TBC1D19: variants seen among roughly 807,000 people sequenced by gnomAD.
TBC1D19 encodes TBC1 domain family member 19.
A neutral mutation model predicts 89.0 loss-of-function variants in TBC1D19; 60 were observed. The observed-to-expected ratio is 0.67, with a 90% CI of 0.55 to 0.84. The LOEUF is 0.84. TBC1D19 is among the 40% of genes least tolerant of loss of function. TBC1D19 has a pLI of 0.00. For missense variants in TBC1D19, 500 were observed against 610.8 expected (o/e 0.82, Z 1.91); for synonymous variants, 189 against 199.7 (o/e 0.95, Z 0.45).
chr4:26,580,928 A>G (rs1739050237), upstream of TBC1D19, among the ~76,000 whole-genome samples: 1 of 152,216 alleles, frequency 6.6e-6, no homozygotes, highest in Non-Finnish European at 1.5e-5. Flanking sequence ...ACAGCATTAT[A>G]TGAAGAATAG....
chr4:26,742,661 A>T, intron 18 of TBC1D19, 62 bp downstream of exon 18: 3 of 1,313,728 alleles, frequency 2.3e-6, no homozygotes, highest in South Asian at 1.4e-5. Context: ...TTTTTTCCTC[A>T]TTGCAGAGCA....
In TBC1D19 at chr4:26,620,704, A is replaced by G. The variant is rs762124746; in HGVS notation, c.294+16A>G. ...GAAAGCACAGGTTGGCTATTGTTCA[A>G]TTTCATTTTATTTTTTCATGCCAAG... is the stretch of plus-strand genomic sequence containing the variant. On this transcript the variant is annotated intron_variant, in intron 4 of 20. Coordinates refer to ENST00000264866, the MANE Select transcript of TBC1D19 (RefSeq NM_018317.4). 8 of 1,609,300 alleles carry G rather than the reference A, an allele frequency of 5.0e-6. No homozygotes were observed. In the East Asian group the frequency reaches 1.6e-4, roughly 31 times the overall value.
At chr4:26,703,923 T>C (rs780819751) in intron 13 of TBC1D19, among the ~76,000 whole-genome samples, 56 of 129,654 alleles carry the variant, frequency 4.3e-4, no homozygotes, top group Non-Finnish European at 7.9e-4. Context: ...ATCGTGCCAC[T>C]GCAATTCGGC....
At chr4:26,807,526 C>T in the TBC1D19 span, among the ~76,000 whole-genome samples, 3 of 152,150 alleles carry the variant, frequency 2.0e-5, no homozygotes, top group Non-Finnish European at 4.4e-5. Flanking sequence ...CCAAGGGGCT[C>T]ATTTGGCAAA....
intron 7 of TBC1D19, among the ~76,000 whole-genome samples, chr4:26,651,899 T>C (rs932837812): frequency 2.6e-5 from 4 of 152,136 alleles, no homozygotes; most frequent in Non-Finnish European, 5.9e-5. Flanking sequence ...CAATACGTAA[T>C]TTATTGAGAG....
chr4:26,684,859 A>G (rs774605893), intron 12 of TBC1D19, among the ~76,000 whole-genome samples: 7 of 152,192 alleles, frequency 4.6e-5, no homozygotes, highest in Non-Finnish European at 1.0e-4. Flanking sequence ...AACCCTTTAC[A>G]TAGATTACTA....
downstream of TBC1D19, among the ~76,000 whole-genome samples, chr4:26,759,111 GCTTCT>G (rs1344257148): frequency 6.6e-6 from 1 of 152,096 alleles, no homozygotes; most frequent in Non-Finnish European, 1.5e-5. Context: ...AGGGAAGACT[GCTTCT>G]CTTAAGAATC....
the TBC1D19 span, among the ~76,000 whole-genome samples, chr4:26,778,371 G>A: frequency 1.3e-5 from 2 of 150,368 alleles, no homozygotes; most frequent in East Asian, 4.0e-4. Context: ...AGCCAAGATC[G>A]TGCCACTGCA....
intron 15 of TBC1D19, among the ~76,000 whole-genome samples, chr4:26,723,714 G>C (rs570098670): frequency 6.6e-6 from 1 of 152,088 alleles, no homozygotes; most frequent in Non-Finnish European, 1.5e-5. Flanking sequence ...ATTTTTTGTT[G>C]TTATTCAACA....
intron 13 of TBC1D19, among the ~76,000 whole-genome samples, chr4:26,689,832 C>T (rs1348833983): frequency 1.3e-5 from 2 of 152,024 alleles, no homozygotes; most frequent in Non-Finnish European, 2.9e-5. Context: ...GAAATTAGGC[C>T]AATAATAACC....
At chr4:26,627,612 G>C (rs1422828305) in intron 4 of TBC1D19, among the ~76,000 whole-genome samples, 2 of 152,052 alleles carry the variant, frequency 1.3e-5, no homozygotes, top group Non-Finnish European at 2.9e-5. Flanking sequence ...TCTCATTGTG[G>C]TTTTGATTTG....
At chr4:26,604,640 C>T (rs1227271421) in intron 1 of TBC1D19, among the ~76,000 whole-genome samples, 2 of 150,510 alleles carry the variant, frequency 1.3e-5, no homozygotes, top group Admixed American at 6.6e-5. Context: ...CTTTGGGAGG[C>T]CAAGGTGGGC....
intron 1 of TBC1D19, among the ~76,000 whole-genome samples, chr4:26,603,371 G>T (rs953222561): frequency 4.6e-5 from 7 of 152,164 alleles, no homozygotes; most frequent in African/African-American, 1.7e-4. Context: ...AAGTCACAGT[G>T]CAAGGCTGAT....
chr4:26,838,427 C>T, the TBC1D19 span, among the ~76,000 whole-genome samples: 1 of 152,096 alleles, frequency 6.6e-6, no homozygotes, highest in Admixed American at 6.5e-5. Flanking sequence ...TAAGCAAAGG[C>T]TGGCTGACAT....
chr4:26,698,691 C>G (rs1313771744), intron 13 of TBC1D19, among the ~76,000 whole-genome samples: 2 of 152,006 alleles, frequency 1.3e-5, no homozygotes, highest in Admixed American at 1.3e-4. Flanking sequence ...CAGAACAGAG[C>G]CCTCAGAAAT....
intron 13 of TBC1D19, among the ~76,000 whole-genome samples, chr4:26,711,105 T>C (rs1270987535): frequency 6.6e-6 from 1 of 152,210 alleles, no homozygotes; most frequent in Non-Finnish European, 1.5e-5. Context: ...TCCTTGCCCA[T>C]GTCTATGTCA....
chr4:26,607,045 G>T (rs982418813), intron 1 of TBC1D19, among the ~76,000 whole-genome samples: 1 of 152,166 alleles, frequency 6.6e-6, no homozygotes, highest in Non-Finnish European at 1.5e-5. Context: ...ATTTGTGTAT[G>T]TGTGGGAAGG....
the TBC1D19 span, among the ~76,000 whole-genome samples, chr4:26,833,687 A>G: frequency 6.6e-6 from 1 of 152,250 alleles, no homozygotes; most frequent in African/African-American, 2.4e-5. Flanking sequence ...GAACTTGTGC[A>G]GGTTTGTTAC....
chr4:26,836,463 G>A, the TBC1D19 span, among the ~76,000 whole-genome samples: 5 of 152,196 alleles, frequency 3.3e-5, no homozygotes, highest in Non-Finnish European at 5.9e-5. Context: ...CAGGGAATAT[G>A]TAGTGTTTGT....
Sources: allele counts gnomAD v4.1 joint callset (sites outside exome capture counted in the v4.1 genomes callset), GRCh38; gene constraint gnomAD v4.1.1; transcripts MANE v1.5; gene names NCBI Gene and HGNC (gene_info 2026-07-23, HGNC 2026-07-21).